The following PTPN9 variants were observed in gnomAD, a reference collection of about 807,000 sequenced individuals.
PTPN9 encodes tyrosine-protein phosphatase non-receptor type 9.
A neutral mutation model predicts 69.8 loss-of-function variants in PTPN9; 26 were observed. The observed-to-expected ratio is 0.37, with a 90% CI of 0.27 to 0.52. The LOEUF is 0.52. Among genes scored for constraint, PTPN9 ranks in the 20% least tolerant of loss-of-function variants. The pLI is 0.91. For missense variants in PTPN9, 549 were observed against 740.3 expected (o/e 0.74, Z 3.00); for synonymous variants, 274 against 272.5 (o/e 1.01, Z -0.05).
chr15:75,569,785 C>T (rs1383849916), intron 1 of PTPN9, among the ~76,000 whole-genome samples: 1 of 151,762 alleles, frequency 6.6e-6, no homozygotes, highest in African/African-American at 2.4e-5. Context: ...ACCTCCAGGC[C>T]ACTTAATATT....
chr15:75,486,781 GT>G (rs34430924), intron 8 of PTPN9, among the ~76,000 whole-genome samples: 30,541 of 118,350 alleles, frequency 0.26, 2,982 homozygotes, highest in African/African-American at 0.42. Context: ...CATATGTGGT[GT>G]TTTTTTTTTT....
Position 75,578,879 on chromosome 15 carries a change from C to T in PTPN9, c.-103G>A. On this transcript the variant is annotated 5_prime_UTR_variant, in exon 1 of 13. Coordinates refer to ENST00000618819, the MANE Select transcript of PTPN9 (RefSeq NM_002833.4). ...GTCCCCGCGCCTCAGCAGCCCGGGGCCGGCTCGCGCATAGTGTGGCCGGCA... is the reference window on the plus strand; with the variant it reads ...GTCCCCGCGCCTCAGCAGCCCGGGGTCGGCTCGCGCATAGTGTGGCCGGCA... 1 of 798,980 alleles carries T rather than the reference C, an allele frequency of 1.3e-6. No individual in the cohort carries two copies. The highest frequency in any genetic ancestry group is 1.6e-6 in the Non-Finnish European group (1 of 611,386). The allele number at this position is 798,980 out of a possible 1,614,324, so 49.5% of individuals were successfully genotyped here. A position where few individuals can be genotyped will look rare whatever the true frequency, so the allele number is the denominator to read the frequency against.
At chr15:75,474,097 ATC>A (rs1184199653) in intron 9 of PTPN9, among the ~76,000 whole-genome samples, 1 of 152,196 alleles carries the variant, frequency 6.6e-6, no homozygotes, top group Non-Finnish European at 1.5e-5. Context: ...AACTGTAAGA[ATC>A]TCTAGCTGTT....
rs1409106911 is a variant in PTPN9 at position 75,509,119 on chromosome 15, C to G, written c.529-92G>C. On this transcript the variant is annotated intron_variant, in intron 5 of 12. Transcript: ENST00000618819. ...TTTTCTGCTCTTCTCCCCATTCTTA[C>G]CCAGCAGGGGGAGTCTACAGCCTAA... The G allele has an allele frequency of 1.3e-5, 13 of 1,009,640 alleles. No individual in the cohort carries two copies. In the African/African-American group the frequency reaches 2.0e-4, roughly 16 times the overall value. The allele number at this position is 1,009,640 out of a possible 1,614,324, so 62.5% of individuals were successfully genotyped here. A position where few individuals can be genotyped will look rare whatever the true frequency, so the allele number is the denominator to read the frequency against.
At chr15:75,505,599 G>A (rs961147575) in intron 7 of PTPN9, 76 bp downstream of exon 7, 78 of 1,078,396 alleles carry the variant, frequency 7.2e-5, no homozygotes, top group Middle Eastern at 3.1e-4. Context: ...GCAAGTGAGG[G>A]GTGGAAGGAG....
chr15:75,488,809 A>C (rs2141298664), intron 8 of PTPN9, among the ~76,000 whole-genome samples: 1 of 152,032 alleles, frequency 6.6e-6, no homozygotes, highest in South Asian at 2.1e-4. Flanking sequence ...TCTGTTTTTT[A>C]AGGATTTTAC....
chr15:75,512,227 A>G (rs2074848728), intron 5 of PTPN9, among the ~76,000 whole-genome samples: 1 of 150,804 alleles, frequency 6.6e-6, no homozygotes, highest in South Asian at 2.1e-4. Context: ...TTTTTTTTTA[A>G]GACAGGGTTT....
At chr15:75,563,084 C>T (rs2075111721) in intron 1 of PTPN9, among the ~76,000 whole-genome samples, 1 of 152,100 alleles carries the variant, frequency 6.6e-6, no homozygotes, top group Non-Finnish European at 1.5e-5. Context: ...CGCCCTCCTC[C>T]CACTCTCCAC....
At chr15:75,492,394 A>C (rs2074715918) in intron 7 of PTPN9, among the ~76,000 whole-genome samples, 1 of 152,138 alleles carries the variant, frequency 6.6e-6, no homozygotes, top group Non-Finnish European at 1.5e-5. Context: ...GGACCAAGGG[A>C]GGTACCTATA....
intron 5 of PTPN9, among the ~76,000 whole-genome samples, chr15:75,514,147 G>C (rs943446992): frequency 3.4e-5 from 5 of 147,514 alleles, no homozygotes; most frequent in Non-Finnish European, 7.4e-5. Context: ...GAATAGGCTA[G>C]AAGATACTAG....
At chr15:75,516,386 C>G (rs1391859019) in intron 5 of PTPN9, among the ~76,000 whole-genome samples, 2 of 150,150 alleles carry the variant, frequency 1.3e-5, no homozygotes, top group African/African-American at 4.9e-5. Flanking sequence ...TCACTGCAAG[C>G]TCCGCCTCCC....
At chr15:75,524,135 A>C (rs2074916984) in intron 3 of PTPN9, 74 bp downstream of exon 3, 2 of 730,046 alleles carry the variant, frequency 2.7e-6, no homozygotes, top group Non-Finnish European at 2.1e-6. Context: ...AAAAAAAAAA[A>C]ACAAAGTCCA....
intron 7 of PTPN9, among the ~76,000 whole-genome samples, chr15:75,495,179 AAAG>A (rs1197483199): frequency 6.6e-6 from 1 of 152,186 alleles, no homozygotes; most frequent in African/African-American, 2.4e-5. Context: ...AGAATAAAAG[AAAG>A]AAGATGGTCT....
In PTPN9 at chr15:75,467,035, C is replaced by G. The variant is rs945150642; in HGVS notation, c.*1734G>C. 5.9e-5 allele frequency: 9 copies of G among 152,184 alleles called. No homozygotes were observed. Among genetic ancestry groups the G allele is most frequent in the Non-Finnish European group, 1.2e-4 (8 of 68,032 alleles). The allele number at this position is 152,184 out of a possible 1,614,324, so 9.4% of individuals were successfully genotyped here. A position where few individuals can be genotyped will look rare whatever the true frequency, so the allele number is the denominator to read the frequency against. ...AGTCTCAGATACTGAAGGCTTGGGTCCCTCCCTGCCTCCCTCATCCCTCCC... is the reference window on the plus strand; with the variant it reads ...AGTCTCAGATACTGAAGGCTTGGGTGCCTCCCTGCCTCCCTCATCCCTCCC... On this transcript the variant is annotated 3_prime_UTR_variant, in exon 13 of 13. Coordinates refer to ENST00000618819, the MANE Select transcript of PTPN9 (RefSeq NM_002833.4).
chr15:75,565,109 TATAATAATAATAATAATAATAATA>T (rs200204488), intron 1 of PTPN9, among the ~76,000 whole-genome samples: 2 of 141,808 alleles, frequency 1.4e-5, no homozygotes, highest in South Asian at 4.4e-4. Flanking sequence ...TCAAAAAATA[TATAATAATAATAATAATAATAATA>T]ATAATAATAA....
At chr15:75,572,572 G>A (rs748307783) in intron 1 of PTPN9, among the ~76,000 whole-genome samples, 10 of 151,628 alleles carry the variant, frequency 6.6e-5, no homozygotes, top group Non-Finnish European at 1.2e-4. Flanking sequence ...AAAATTAGTC[G>A]GGTGTGATGG....
intron 1 of PTPN9, among the ~76,000 whole-genome samples, chr15:75,564,594 CAAA>C (rs201990920): frequency 2.9e-5 from 3 of 102,688 alleles, no homozygotes; most frequent in African/African-American, 3.9e-5. Context: ...GACTACGTCT[CAAA>C]AAAAAAAAAA....
At chr15:75,507,996 C>T (rs984842578) in intron 6 of PTPN9, among the ~76,000 whole-genome samples, 1 of 140,186 alleles carries the variant, frequency 7.1e-6, no homozygotes, top group Non-Finnish European at 1.5e-5. Flanking sequence ...GAGCCAAGAT[C>T]GTGCCACTGC....
At chr15:75,547,478 A>C (rs547633112) in intron 1 of PTPN9, among the ~76,000 whole-genome samples, 16 of 151,868 alleles carry the variant, frequency 1.1e-4, no homozygotes, top group African/African-American at 3.9e-4. Flanking sequence ...ACAAAACAAA[A>C]CAAAAAACAA....
Sources: allele counts gnomAD v4.1 joint callset (sites outside exome capture counted in the v4.1 genomes callset), GRCh38; gene constraint gnomAD v4.1.1; transcripts MANE v1.5; gene names NCBI Gene and HGNC (gene_info 2026-07-23, HGNC 2026-07-21).